Variants in TNFSF4 observed in about 807,000 individuals in gnomAD.
TNFSF4 encodes the protein TNF superfamily member 4.
A neutral mutation model predicts 7.3 loss-of-function variants in TNFSF4; 4 were observed. The ratio of observed to expected loss-of-function variants is 0.55; its 90% CI spans 0.27 to 1.25. TNFSF4 has a LOEUF of 1.25. TNFSF4 is among the 50% of genes most tolerant of loss of function. The pLI is 0.12. For synonymous variants in TNFSF4, 76 were observed against 83.7 expected, an observed-to-expected ratio of 0.91 and a Z score of 0.50; for missense variants, 181 against 208.8, an observed-to-expected ratio of 0.87 and a Z score of 0.82.
At chr1:173,202,853 C>T (rs1650005547) in intron 1 of TNFSF4, among the ~76,000 whole-genome samples, 1 of 152,138 alleles carries the variant, frequency 6.6e-6, no homozygotes, top group South Asian at 2.1e-4. Flanking sequence ...CACCAATTCC[C>T]ATCCGCTTGT....
chr1:173,337,456 T>C, the TNFSF4 span, among the ~76,000 whole-genome samples: 2 of 152,180 alleles, frequency 1.3e-5, no homozygotes, highest in African/African-American at 2.4e-5. Flanking sequence ...TGCCCCCACT[T>C]CTGCTATACT....
the TNFSF4 span, among the ~76,000 whole-genome samples, chr1:173,379,152 T>C: frequency 6.6e-6 from 1 of 152,122 alleles, no homozygotes; most frequent in Non-Finnish European, 1.5e-5. Context: ...CCTGAGAGTT[T>C]GGAGATATCT....
At chr1:173,260,755 A>G in the TNFSF4 span, among the ~76,000 whole-genome samples, 1 of 152,242 alleles carries the variant, frequency 6.6e-6, no homozygotes, top group Non-Finnish European at 1.5e-5. Context: ...GCATTACATA[A>G]TGGTAAAGGA....
chr1:173,400,266 T>C, the TNFSF4 span, among the ~76,000 whole-genome samples: 7 of 152,172 alleles, frequency 4.6e-5, no homozygotes, highest in East Asian at 1.2e-3. Context: ...ATAGCACTAG[T>C]TAGGTGGCAA....
At chr1:173,360,166 T>A in the TNFSF4 span, among the ~76,000 whole-genome samples, 1 of 152,262 alleles carries the variant, frequency 6.6e-6, no homozygotes, top group Non-Finnish European at 1.5e-5. Context: ...GAGAACTATA[T>A]CCATCTCCTT....
the TNFSF4 span, among the ~76,000 whole-genome samples, chr1:173,443,857 T>C: frequency 2.0e-5 from 3 of 152,124 alleles, no homozygotes; most frequent in African/African-American, 4.8e-5. Context: ...TGCAGTGGAG[T>C]TCACTTCAGT....
the TNFSF4 span, among the ~76,000 whole-genome samples, chr1:173,384,398 G>A: frequency 6.6e-6 from 1 of 152,122 alleles, no homozygotes; most frequent in Non-Finnish European, 1.5e-5. Context: ...GAGAACAAAG[G>A]TTGTTAAAGG....
intron 2 of TNFSF4, among the ~76,000 whole-genome samples, chr1:173,187,605 T>C (rs1649286900): frequency 6.6e-6 from 1 of 152,198 alleles, no homozygotes; most frequent in African/African-American, 2.4e-5. Flanking sequence ...CAAGGGCATA[T>C]ACTTGCTTCT....
the TNFSF4 span, among the ~76,000 whole-genome samples, chr1:173,399,994 T>A: frequency 6.6e-6 from 1 of 152,220 alleles, no homozygotes; most frequent in African/African-American, 2.4e-5. Flanking sequence ...GAAGGGGCAG[T>A]GTTTTGTTCT....
chr1:173,380,701 C>G, the TNFSF4 span, among the ~76,000 whole-genome samples: 1 of 152,148 alleles, frequency 6.6e-6, no homozygotes, highest in African/African-American at 2.4e-5. Context: ...AGATACAGAA[C>G]AATTTTTTCT....
At chr1:173,378,958 C>A in the TNFSF4 span, among the ~76,000 whole-genome samples, 1 of 152,072 alleles carries the variant, frequency 6.6e-6, no homozygotes, top group Non-Finnish European at 1.5e-5. Context: ...AGTACATGTC[C>A]CCTTCTCCCT....
the TNFSF4 span, among the ~76,000 whole-genome samples, chr1:173,278,412 C>A: frequency 6.6e-6 from 1 of 152,016 alleles, no homozygotes; most frequent in South Asian, 2.1e-4. Context: ...CTTCTTCTCC[C>A]AAGCCCATTC....
the TNFSF4 span, among the ~76,000 whole-genome samples, chr1:173,362,238 T>C: frequency 6.6e-4 from 101 of 152,358 alleles, no homozygotes; most frequent in Admixed American, 1.7e-3. Flanking sequence ...TTAAGTGTTT[T>C]CTTTTTTAAA....
chr1:173,350,516 T>G, the TNFSF4 span, among the ~76,000 whole-genome samples: 1 of 152,212 alleles, frequency 6.6e-6, no homozygotes, highest in Non-Finnish European at 1.5e-5. Flanking sequence ...AAGAAGCTAC[T>G]GTATTAGATG....
chr1:173,427,256 G>C, the TNFSF4 span, among the ~76,000 whole-genome samples: 1 of 152,144 alleles, frequency 6.6e-6, no homozygotes, highest in East Asian at 1.9e-4. Flanking sequence ...TACAGCTGTG[G>C]TTCTCAACCA....
At chr1:173,195,672 A>C (rs16845585) in intron 1 of TNFSF4, among the ~76,000 whole-genome samples, 16,049 of 152,264 alleles carry the variant, frequency 0.11, 996 homozygotes, top group Admixed American at 0.16. Context: ...CCTTAAACCC[A>C]TTTGACATTT....
chr1:173,396,715 C>T, the TNFSF4 span, among the ~76,000 whole-genome samples: 2 of 152,120 alleles, frequency 1.3e-5, no homozygotes, highest in South Asian at 4.1e-4. Flanking sequence ...TATATCACAC[C>T]TGCATTGGTT....
At chr1:173,419,012 C>T in the TNFSF4 span, among the ~76,000 whole-genome samples, 1 of 152,168 alleles carries the variant, frequency 6.6e-6, no homozygotes, top group Non-Finnish European at 1.5e-5. Context: ...AGTGTGTGGC[C>T]CCCACGGTGG....
the TNFSF4 span, among the ~76,000 whole-genome samples, chr1:173,337,853 G>A: frequency 6.6e-6 from 1 of 152,152 alleles, no homozygotes; most frequent in Non-Finnish European, 1.5e-5. Context: ...CTCTCTGAAT[G>A]GGCCAAATGC....
Sources: allele counts gnomAD v4.1 joint callset (sites outside exome capture counted in the v4.1 genomes callset), GRCh38; gene constraint gnomAD v4.1.1; transcripts MANE v1.5; gene names NCBI Gene and HGNC (gene_info 2026-07-23, HGNC 2026-07-21).